Variants in GFRAL observed in about 807,000 individuals in gnomAD.
GFRAL encodes the protein GDNF family receptor alpha like.
Under a neutral mutation model 45.4 loss-of-function variants are expected in GFRAL, and 36 were observed. The observed-to-expected ratio is 0.79, with a 90% CI of 0.61 to 1.05. GFRAL has a LOEUF of 1.05. GFRAL is among the 50% of genes least tolerant of loss of function. The pLI, the probability that GFRAL is intolerant of heterozygous loss-of-function variation, is 0.00. For synonymous variants in GFRAL, 166 were observed against 154.1 expected (o/e 1.08, Z -0.57); for missense variants, 507 against 467.5 (o/e 1.08, Z -0.78).
chr6:55,353,730 ATTT>A (rs1768150070), intron 5 of GFRAL, among the ~76,000 whole-genome samples: 1 of 152,052 alleles, frequency 6.6e-6, no homozygotes, highest in African/African-American at 2.4e-5. Context: ...TTTTAAATAA[ATTT>A]TTAAGGTCAA....
intron 6 of GFRAL, among the ~76,000 whole-genome samples, chr6:55,386,010 CTATT>C (rs762027355): frequency 1.3e-5 from 2 of 152,018 alleles, no homozygotes; most frequent in Admixed American, 6.6e-5. Context: ...TCTGGAGTGA[CTATT>C]TATTTAATAT....
chr6:55,347,333 T>C (rs116174914), intron 3 of GFRAL, among the ~76,000 whole-genome samples: 1,988 of 152,226 alleles, frequency 0.013, 23 homozygotes, highest in Non-Finnish European at 0.022. Flanking sequence ...GGTCTAGAAG[T>C]CGATCATTGG....
chr6:55,393,429 C>T (rs563331486), intron 6 of GFRAL, among the ~76,000 whole-genome samples: 15 of 152,010 alleles, frequency 9.9e-5, no homozygotes, highest in African/African-American at 2.4e-4. Flanking sequence ...CTAAAAAAGA[C>T]GTTGAATTTA....
At position 55,357,600 on chromosome 6, in the gene GFRAL, G is replaced by A. The variant is rs9464229; in HGVS notation, c.702-1288G>A. On this transcript the variant is annotated intron_variant, in intron 5 of 8. Coordinates refer to ENST00000340465, the MANE Select transcript of GFRAL (RefSeq NM_207410.2). ...CTTAGAGGTAACAGATCATTGGCTC[G>A]TTTTATTTTTAATCCGTTTAATCCA... Among the ~76,000 whole-genome samples the A allele has an allele frequency of 1.2e-4, 18 of 151,248 alleles. No individual in the cohort carries two copies. The South Asian group carries it at 1.2e-3, about 10-fold the overall frequency.
At chr6:55,393,753 A>G (rs1768785277) in intron 6 of GFRAL, among the ~76,000 whole-genome samples, 1 of 152,166 alleles carries the variant, frequency 6.6e-6, no homozygotes, top group Non-Finnish European at 1.5e-5. Context: ...GCTAGAGTTT[A>G]GATCATGTGG....
intron 3 of GFRAL, among the ~76,000 whole-genome samples, chr6:55,347,754 T>C (rs1768062569): frequency 6.6e-6 from 1 of 152,122 alleles, no homozygotes; most frequent in Admixed American, 6.6e-5. Flanking sequence ...AATCTAGGCT[T>C]CCCAGATATT....
chr6:55,335,392 G>A (rs1260113688), intron 3 of GFRAL, among the ~76,000 whole-genome samples: 1 of 151,750 alleles, frequency 6.6e-6, no homozygotes, highest in East Asian at 1.9e-4. Context: ...TATGTGTTTT[G>A]TATTTTTTTA....
chr6:55,354,354 G>A (rs147844033), intron 5 of GFRAL, among the ~76,000 whole-genome samples: 177 of 152,060 alleles, frequency 1.2e-3, no homozygotes, highest in Middle Eastern at 6.8e-3. Context: ...GTTTGGTGTG[G>A]GGTCTGGAGT....
At chr6:55,337,386 T>A (rs974927793) in intron 3 of GFRAL, among the ~76,000 whole-genome samples, 1 of 151,968 alleles carries the variant, frequency 6.6e-6, no homozygotes, top group Non-Finnish European at 1.5e-5. Flanking sequence ...TCTTATAATG[T>A]CTTTGGTTTG....
At chr6:55,338,352 A>T (rs1767918012) in intron 3 of GFRAL, among the ~76,000 whole-genome samples, 1 of 152,148 alleles carries the variant, frequency 6.6e-6, no homozygotes, top group African/African-American at 2.4e-5. Flanking sequence ...AAACTTCCAA[A>T]GTGCTGGGAT....
intron 6 of GFRAL, among the ~76,000 whole-genome samples, chr6:55,372,147 A>G (rs1768459698): frequency 6.6e-6 from 1 of 152,118 alleles, no homozygotes; most frequent in Non-Finnish European, 1.5e-5. Context: ...CTCACACCTT[A>G]GCTCCTATTC....
intron 6 of GFRAL, among the ~76,000 whole-genome samples, chr6:55,392,809 A>C (rs3843527): frequency 0.23 from 34,845 of 151,968 alleles, 5,550 homozygotes; most frequent in African/African-American, 0.46. Flanking sequence ...AATAATTTGC[A>C]CAACAAACTT....
intron 3 of GFRAL, among the ~76,000 whole-genome samples, chr6:55,337,379 TATA>T (rs1378694999): frequency 1.5e-5 from 2 of 137,646 alleles, no homozygotes; most frequent in Non-Finnish European, 3.0e-5. Context: ...TTTGTTTTCT[TATA>T]ATGTCTTTGG....
At chr6:55,391,088 G>C (rs1768747808) in intron 6 of GFRAL, among the ~76,000 whole-genome samples, 1 of 152,116 alleles carries the variant, frequency 6.6e-6, no homozygotes, top group African/African-American at 2.4e-5. Context: ...CTGTCCAAGA[G>C]TAGTGCATCT....
chr6:55,383,144 C>CCAGATTCTGA (rs1768634074), intron 6 of GFRAL, among the ~76,000 whole-genome samples: 1 of 151,844 alleles, frequency 6.6e-6, no homozygotes, highest in African/African-American at 2.4e-5. Context: ...CAGTTAAAAT[C>CCAGATTCTGA]CAGATTCTGA....
intron 5 of GFRAL, 48 bp downstream of exon 5, chr6:55,351,631 T>G (rs1768119677): frequency 7.2e-7 from 1 of 1,380,742 alleles, no homozygotes; most frequent in Non-Finnish European, 1.0e-6. Flanking sequence ...GCACCTTATT[T>G]GTTATAGTCC....
chr6:55,360,457 T>C (rs956382192), intron 6 of GFRAL, among the ~76,000 whole-genome samples: 1 of 152,038 alleles, frequency 6.6e-6, no homozygotes, highest in Admixed American at 6.6e-5. Context: ...TACACATTTA[T>C]ATTTCTATTT....
intron 6 of GFRAL, among the ~76,000 whole-genome samples, chr6:55,383,431 CTG>C (rs1194833963): frequency 6.6e-6 from 1 of 151,952 alleles, no homozygotes; most frequent in Non-Finnish European, 1.5e-5. Flanking sequence ...CGTATTTTTA[CTG>C]TGTTATACTT....
chr6:55,332,969 A>G (rs1209007850), intron 2 of GFRAL, among the ~76,000 whole-genome samples: 1 of 152,138 alleles, frequency 6.6e-6, no homozygotes, highest in Non-Finnish European at 1.5e-5. Context: ...TAATCTATCT[A>G]CAGTATAATC....
Sources: allele counts gnomAD v4.1 joint callset (sites outside exome capture counted in the v4.1 genomes callset), GRCh38; gene constraint gnomAD v4.1.1; transcripts MANE v1.5; gene names NCBI Gene and HGNC (gene_info 2026-07-23, HGNC 2026-07-21).